Variants in HELT observed in about 807,000 individuals in gnomAD.
The protein encoded by HELT is hairy and enhancer of split-related protein HELT.
In HELT, 9 loss-of-function variants were observed where a neutral mutation model predicts 19.5. The observed-to-expected ratio is 0.46, with a 90% CI of 0.28 to 0.80. HELT has a LOEUF of 0.80. Among genes scored for constraint, HELT ranks in the 30% least tolerant of loss-of-function variants. HELT has a pLI of 0.12. For synonymous variants in HELT, 162 were observed against 148.3 expected, an observed-to-expected ratio of 1.09 and a Z score of -0.67; for missense variants, 366 against 326.3, an observed-to-expected ratio of 1.12 and a Z score of -0.94.
Position 185,019,814 on chromosome 4 carries a change from C to T in HELT, c.200C>T (p.Ser67Phe). Reference sequence around the variant, plus strand: ...GTTCAGTACCTGAGAGCACTGCACTCCGCTGATTTTCCCCGGGGAAGGGAA... The same window carrying T: ...GTTCAGTACCTGAGAGCACTGCACTTCGCTGATTTTCCCCGGGGAAGGGAA... ...MTVQYLRALH[S>F]ADFPRGREKA... Residue 67 changes from serine to phenylalanine, a missense_variant, in exon 3 of 4, where the codon TCC becomes TTC. Ser to Phe is a radical substitution (Grantham distance 155). Transcript: ENST00000515777. The T allele has an allele frequency of 6.2e-7, 1 of 1,613,772 alleles. No homozygotes were observed. The highest frequency in any genetic ancestry group is 8.5e-7 in the Non-Finnish European group (1 of 1,179,978).
Position 185,020,710 on chromosome 4 carries a change from A to T in HELT, c.667A>T (p.Ile223Phe). The change falls in exon 4 of 4, where the codon ATC becomes TTC. Residue 223 changes from isoleucine (I) to phenylalanine (F), a missense_variant. Coordinates refer to ENST00000515777, the MANE Select transcript of HELT (RefSeq NM_001300781.2). The part of the protein sequence containing the change: ...QGLDRHYLNL[I>F]GHAHPNALNL... ...CCTGGACCGGCATTACCTCAACCTG[A>T]TCGGCCACGCGCACCCCAACGCCCT... 6.3e-7 allele frequency: 1 copy of T among 1,596,856 alleles called. No homozygotes were observed. Among genetic ancestry groups the T allele is most frequent in the Non-Finnish European group, 8.5e-7 (1 of 1,176,478 alleles).
chr4:185,019,603 A>G (rs758887755), intron 2 of HELT, 112 bp downstream of exon 2: 2 of 1,574,886 alleles, frequency 1.3e-6, no homozygotes, highest in South Asian at 2.3e-5. Flanking sequence ...GGCCCCTCCC[A>G]GGCGGGGGGC....
At position 185,018,919 on chromosome 4, in the gene HELT, A is replaced by G; in HGVS notation, c.-10A>G. 6.3e-7 allele frequency: 1 copy of G among 1,596,856 alleles called. No homozygotes were observed. The highest frequency in any genetic ancestry group is 8.6e-7 in the Non-Finnish European group (1 of 1,169,364). ...GCCACCGCCTCTCCCGAGGGCGCGTACTGACCAGGATGTCAGACAAGCTCA... is the reference window on the plus strand; with the variant it reads ...GCCACCGCCTCTCCCGAGGGCGCGTGCTGACCAGGATGTCAGACAAGCTCA... On this transcript the variant is annotated 5_prime_UTR_variant, in exon 1 of 4. Transcript: ENST00000515777.
At position 185,020,634 on chromosome 4, in the gene HELT, G is replaced by T. The variant is rs1475852824; in HGVS notation, c.591G>T (p.Pro197=). ...ALPYLPSAPV[P]LASPAQQHSP... ...CCTACCTGCCCAGCGCGCCAGTGCC[G>T]CTCGCTAGCCCAGCGCAGCAGCACA... Residue 197 remains proline, a synonymous_variant, in exon 4 of 4, where the codon CCG becomes CCT. Coordinates refer to ENST00000515777, the MANE Select transcript of HELT (RefSeq NM_001300781.2). 6.2e-7 allele frequency: 1 copy of T among 1,602,902 alleles called. No individual in the cohort carries two copies. Among genetic ancestry groups the T allele is most frequent in the Non-Finnish European group, 8.5e-7 (1 of 1,178,924 alleles).
Position 185,018,869 on chromosome 4 carries a change from G to A in HELT, c.-60G>A. The A allele has an allele frequency of 1.1e-5, 17 of 1,531,622 alleles. No homozygotes were observed. Among genetic ancestry groups the A allele is most frequent in the Non-Finnish European group, 1.4e-5 (16 of 1,131,636 alleles). 94.9% of individuals were successfully genotyped at this position (1,531,622 alleles called of 1,614,324 possible). A position where few individuals can be genotyped will look rare whatever the true frequency, so the allele number is the denominator to read the frequency against. On this transcript the variant is annotated 5_prime_UTR_variant, in exon 1 of 4. Transcript: ENST00000515777. ...TGGGACACTCGAGGAGGCACACGAG[G>A]CGGAAAAGTGGACGGGTGCCCCGCG...
chr4:185,018,957 T>C lies in HELT; in HGVS notation c.27+2T>C, dbSNP rs776886319. 3 of 1,612,392 alleles carry C rather than the reference T, an allele frequency of 1.9e-6. No individual in the cohort carries two copies. The highest frequency in any genetic ancestry group is 2.5e-6 in the Non-Finnish European group (3 of 1,178,932). On this transcript the variant is annotated splice_donor_variant, in intron 1 of 3. Coordinates refer to ENST00000515777, the MANE Select transcript of HELT (RefSeq NM_001300781.2). LOFTEE classifies it high-confidence loss of function. The stretch of plus-strand genomic sequence containing the variant: ...TCAGACAAGCTCAAGGAACGCAAAG[T>C]GAGTCGGCTGAGCCCAAATGGCACT...
At chr4:185,019,002 C>T (rs1254207834) in intron 1 of HELT, 47 bp downstream of exon 1, 11 of 1,613,898 alleles carry the variant, frequency 6.8e-6, no homozygotes, top group Non-Finnish European at 9.3e-6. Flanking sequence ...GTGGTGGAGG[C>T]ATCTGACTCA....
chr4:185,019,079 T>A (rs1434960848), intron 1 of HELT, 124 bp downstream of exon 1: 16 of 1,610,652 alleles, frequency 9.9e-6, no homozygotes, highest in Non-Finnish European at 1.3e-5. Flanking sequence ...TGTGGAGGAA[T>A]CTCGAGTGGT....
rs1263894700 is a variant in HELT at position 185,018,927 on chromosome 4, G to C, written c.-2G>C. ...CTCTCCCGAGGGCGCGTACTGACCA[G>C]GATGTCAGACAAGCTCAAGGAACGC... On this transcript the variant is annotated 5_prime_UTR_variant, in exon 1 of 4. Transcript: ENST00000515777. 6.2e-6 allele frequency: 10 copies of C among 1,604,464 alleles called. No individual in the cohort carries two copies. In the South Asian group the frequency reaches 1.1e-4, roughly 18 times the overall value.
chr4:185,020,432 C>G lies in HELT; in HGVS notation c.389C>G (p.Ala130Gly), dbSNP rs1385575943. The G allele has an allele frequency of 6.2e-7, 1 of 1,614,122 alleles. No individual in the cohort carries two copies. Residue 130 changes from alanine to glycine, a missense_variant, in exon 4 of 4, where the codon GCG becomes GGG. Transcript: ENST00000515777. ...AFLQSKARLGAEPAFPPLGSL... is the reference protein window; with the variant it reads ...AFLQSKARLGGEPAFPPLGSL... The stretch of plus-strand genomic sequence containing the variant: ...TTGCAGTCCAAGGCCCGCCTGGGCG[C>G]GGAGCCCGCCTTTCCGCCGCTGGGT...
chr4:185,020,472 G>T lies in HELT; in HGVS notation c.429G>T (p.Pro143=). ...AFPPLGSLPE[P]DFSYQLHPAG... ...CGCCGCTGGGTTCGCTCCCGGAGCC[G>T]GATTTCTCCTATCAGCTGCACCCTG... is the stretch of plus-strand genomic sequence containing the variant. Residue 143 remains proline, a synonymous_variant, in exon 4 of 4, where the codon CCG becomes CCT. Coordinates refer to ENST00000515777, the MANE Select transcript of HELT (RefSeq NM_001300781.2). 7 of 1,613,776 alleles carry T rather than the reference G, an allele frequency of 4.3e-6. No individual in the cohort carries two copies. The highest frequency in any genetic ancestry group is 5.9e-6 in the Non-Finnish European group (7 of 1,180,014).
intron 1 of HELT, 74 bp downstream of exon 1, chr4:185,019,029 G>A (rs373985742): frequency 4.3e-6 from 7 of 1,613,958 alleles, no homozygotes; most frequent in African/African-American, 1.3e-5. Flanking sequence ...CGCCACTTGG[G>A]TGGACCGATG....
In HELT at chr4:185,019,128, C is replaced by T. The variant is rs201911442; in HGVS notation, c.27+173C>T. On this transcript the variant is annotated intron_variant, in intron 1 of 3. Transcript: ENST00000515777. ...GGGGTAGAGAGAGGAGGGTGCTCAA[C>T]CAGGTAGAAGTCCTGCCTGGAGGCT... The T allele has an allele frequency of 1.7e-5, 26 of 1,572,396 alleles. No individual in the cohort carries two copies. In the Admixed American group the frequency reaches 4.0e-4, roughly 24 times the overall value.
At chr4:185,019,206 A>C in intron 1 of HELT, 181 bp from the exon 2 acceptor site, 1 of 1,343,182 alleles carries the variant, frequency 7.4e-7, no homozygotes, top group Non-Finnish European at 1.0e-6. Context: ...GGAGCGCGCC[A>C]GCGCGGGCGT....
intron 3 of HELT, 92 bp downstream of exon 3, chr4:185,019,935 G>A: frequency 1.7e-6 from 2 of 1,191,084 alleles, no homozygotes; most frequent in East Asian, 2.5e-5. Flanking sequence ...GAGTGTTCCC[G>A]AGAGCTCTAC....
chr4:185,019,935 G>T (rs72706953), intron 3 of HELT, 92 bp downstream of exon 3: 62,294 of 1,190,656 alleles, frequency 0.052, 2,616 homozygotes, highest in East Asian at 0.19. Context: ...GAGTGTTCCC[G>T]AGAGCTCTAC....
chr4:185,019,058 G>A (rs758334326), intron 1 of HELT, 103 bp downstream of exon 1: 1 of 1,613,452 alleles, frequency 6.2e-7, no homozygotes. Context: ...GTGCCCGCAC[G>A]GGACTTTGAG....
chr4:185,019,359 T>A (rs1561323944), intron 1 of HELT, 28 bp from the exon 2 acceptor site: 3 of 1,575,334 alleles, frequency 1.9e-6, no homozygotes, highest in Non-Finnish European at 2.6e-6. Flanking sequence ...GGCAAAGCCA[T>A]CCTAAACATA....
In HELT at chr4:185,020,407, T is replaced by C. The variant is rs1490663079; in HGVS notation, c.364T>C (p.Leu122=). Residue 122 remains leucine, a synonymous_variant, in exon 4 of 4, where the codon TTG becomes CTG. Coordinates refer to ENST00000515777, the MANE Select transcript of HELT (RefSeq NM_001300781.2). The part of the protein sequence containing the change: ...DTKYARILAF[L]QSKARLGAEP... ...GAAGTACGCGCGCATCCTCGCCTTC[T>C]TGCAGTCCAAGGCCCGCCTGGGCGC... 3.1e-6 allele frequency: 5 copies of C among 1,614,054 alleles called. No individual in the cohort carries two copies. Among genetic ancestry groups the C allele is most frequent in the Non-Finnish European group, 4.2e-6 (5 of 1,180,028 alleles).
Sources: gnomAD v4.1 joint callset for allele counts on GRCh38, gnomAD v4.1.1 for gene constraint, MANE v1.5 for transcripts, NCBI Gene and HGNC (gene_info 2026-07-23, HGNC 2026-07-21) for gene names.